Variants in DNAH11 observed in about 807,000 individuals in gnomAD.
DNAH11 encodes the protein dynein axonemal heavy chain 11.
A neutral mutation model predicts 526.0 loss-of-function variants in DNAH11; 442 were observed. The observed-to-expected ratio is 0.84, with a 90% CI of 0.78 to 0.91. DNAH11 has a LOEUF of 0.91. Ranked by LOEUF, DNAH11 falls within the 40% of genes least tolerant of loss-of-function variation. The probability of loss-of-function intolerance (pLI) is 0.00; values close to 1 mark genes in which losing one functional copy is unlikely to be tolerated. For missense variants in DNAH11, 6,989 were observed against 5,448.7 expected (o/e 1.28, Z -8.90); for synonymous variants, 2,461 against 1,935.9 (o/e 1.27, Z -7.12).
In DNAH11 at chr7:21,590,922, T is replaced by C; in HGVS notation, c.2174T>C (p.Val725Ala). Residue 725 changes from valine (V) to alanine (A), a missense_variant, in exon 13 of 82, where the codon GTG (valine) becomes GCG (alanine). Val to Ala is a moderately conservative substitution (Grantham distance 64). Transcript: ENST00000409508. ...TTAATAATTGTATTTTAATAGCTAG[T>C]GGCTGTATTGAGAGAAGTGAAATAT... The part of the protein sequence containing the change: ...LLCVNFDPKL[V>A]AVLREVKYLL... 6.9e-7 allele frequency: 1 copy of C among 1,448,254 alleles called. No homozygotes were observed. Among genetic ancestry groups the C allele is most frequent in the Non-Finnish European group, 9.1e-7 (1 of 1,101,612 alleles). 89.7% of individuals were successfully genotyped at this position (1,448,254 alleles called of 1,614,324 possible).
chr7:21,869,427 C>A (rs1448505846), intron 73 of DNAH11, among the ~76,000 whole-genome samples: 1 of 151,652 alleles, frequency 6.6e-6, no homozygotes, highest in Non-Finnish European at 1.5e-5. Context: ...GTCCTTGTCA[C>A]ACAACCAGAA....
intron 30 of DNAH11, among the ~76,000 whole-genome samples, chr7:21,663,118 C>A (rs1215109197): frequency 2.6e-5 from 4 of 152,164 alleles, no homozygotes; most frequent in Non-Finnish European, 5.9e-5. Context: ...TGATAATGAC[C>A]TCTAGTTCCC....
Position 21,639,022 on chromosome 7 carries a change from C to G in DNAH11, c.4901C>G (p.Ala1634Gly), listed in dbSNP as rs1583553658. ...CCTCGCTTCTATTTCGTCTCTTCTG[C>G]TGATTTACTTGACATTCTCTCAAAA... ...AFPRFYFVSS[A>G]DLLDILSKGA... Residue 1634 changes from alanine (A) to glycine (G), a missense_variant, in exon 28 of 82, where the codon GCT becomes GGT. By Grantham distance (60) the Ala-to-Gly change is moderately conservative. Transcript: ENST00000409508. 3.1e-6 allele frequency: 5 copies of G among 1,613,664 alleles called. No individual in the cohort carries two copies. The highest frequency in any genetic ancestry group is 4.2e-6 in the Non-Finnish European group (5 of 1,179,710).
chr7:21,774,009 G>A lies in DNAH11; in HGVS notation c.9336+10G>A, dbSNP rs1366306832. ...AACCACAGCCTCTCAGGTATGACCA[G>A]GATGTGTTATTACTGAGTAATATTT... On this transcript the variant is annotated intron_variant, in intron 56 of 81. Transcript: ENST00000409508. The A allele has an allele frequency of 1.3e-6, 2 of 1,541,912 alleles. No individual in the cohort carries two copies. Among genetic ancestry groups the A allele is most frequent in the Non-Finnish European group, 1.7e-6 (2 of 1,145,036 alleles).
At chr7:21,644,357 T>A (rs1158395600) in intron 28 of DNAH11, among the ~76,000 whole-genome samples, 1 of 152,208 alleles carries the variant, frequency 6.6e-6, no homozygotes, top group Non-Finnish European at 1.5e-5. Flanking sequence ...TGGAGCTCAA[T>A]AATCATTCAT....
chr7:21,816,655 G>C lies in DNAH11; in HGVS notation c.10521G>C (p.Lys3507Asn). ...AGCAACAGGGAATTAAGTGGATCAA[G>C]AATAAGTATGGAATGGACCTGAAAG... is the stretch of plus-strand genomic sequence containing the variant. ...DPQQQGIKWI[K>N]NKYGMDLKVT... Residue 3507 changes from lysine to asparagine, a missense_variant, in exon 64 of 82, where the codon AAG becomes AAC. By Grantham distance (94) the Lys-to-Asn change is moderately conservative. Coordinates refer to ENST00000409508, the MANE Select transcript of DNAH11 (RefSeq NM_001277115.2). 1 of 1,613,688 alleles carries C rather than the reference G, an allele frequency of 6.2e-7. No individual in the cohort carries two copies. The highest frequency in any genetic ancestry group is 8.5e-7 in the Non-Finnish European group (1 of 1,179,760).
intron 65 of DNAH11, among the ~76,000 whole-genome samples, chr7:21,833,650 G>A (rs111229214): frequency 7.2e-5 from 11 of 152,150 alleles, no homozygotes; most frequent in African/African-American, 2.2e-4. Context: ...AGCCAAGATC[G>A]TGCCACTGCT....
At chr7:21,831,703 A>G (rs896542698) in intron 65 of DNAH11, among the ~76,000 whole-genome samples, 1 of 152,194 alleles carries the variant, frequency 6.6e-6, no homozygotes, top group Admixed American at 6.5e-5. Context: ...CAGGATATAC[A>G]TAGATATGCA....
At chr7:21,885,537 C>G (rs1471558065) in intron 76 of DNAH11, among the ~76,000 whole-genome samples, 2 of 151,920 alleles carry the variant, frequency 1.3e-5, no homozygotes, top group Non-Finnish European at 2.9e-5. Flanking sequence ...GTTCTCGTGT[C>G]CTATTGCACA....
intron 74 of DNAH11, among the ~76,000 whole-genome samples, chr7:21,876,840 A>C (rs986974438): frequency 6.6e-6 from 1 of 152,268 alleles, no homozygotes; most frequent in Non-Finnish European, 1.5e-5. Flanking sequence ...CTTTCATCTC[A>C]TTGGTCAAAC....
intron 14 of DNAH11, among the ~76,000 whole-genome samples, chr7:21,597,193 C>T (rs990286865): frequency 1.3e-5 from 2 of 152,122 alleles, no homozygotes; most frequent in Non-Finnish European, 2.9e-5. Context: ...TCCCTTTATC[C>T]GAATGTGCTG....
chr7:21,731,757 T>G (rs904710873), intron 45 of DNAH11, among the ~76,000 whole-genome samples: 13 of 152,276 alleles, frequency 8.5e-5, no homozygotes, highest in Admixed American at 4.6e-4. Flanking sequence ...CAGAATTAAA[T>G]CTCATGCCGC....
intron 56 of DNAH11, among the ~76,000 whole-genome samples, chr7:21,774,397 A>G (rs562304245): frequency 6.6e-6 from 1 of 152,192 alleles, no homozygotes; most frequent in South Asian, 2.1e-4. Flanking sequence ...TTTCTGGCTA[A>G]TGACTGTGGC....
At chr7:21,793,486 C>T (rs923375548) in intron 61 of DNAH11, among the ~76,000 whole-genome samples, 11 of 152,088 alleles carry the variant, frequency 7.2e-5, no homozygotes, top group Admixed American at 4.6e-4. Context: ...CGTGGTGGCA[C>T]GCCCTTGTAG....
intron 2 of DNAH11, among the ~76,000 whole-genome samples, chr7:21,553,175 A>G (rs566581216): frequency 4.8e-5 from 7 of 146,982 alleles, no homozygotes; most frequent in African/African-American, 1.6e-4. Flanking sequence ...TTTCTAACCC[A>G]AACAAGGTGA....
At chr7:21,786,537 A>C (rs1016900765) in intron 58 of DNAH11, 87 bp from the exon 59 acceptor site, 1 of 1,481,784 alleles carries the variant, frequency 6.7e-7, no homozygotes, top group African/African-American at 1.4e-5. Context: ...GTGGGAGTCC[A>C]CTAAAGCCTT....
chr7:21,901,351 G>GTAAC lies in DNAH11; in HGVS notation c.*99_*102dup. On this transcript the variant is annotated 3_prime_UTR_variant, in exon 82 of 82. Coordinates refer to ENST00000409508, the MANE Select transcript of DNAH11 (RefSeq NM_001277115.2). Reference sequence around the variant, plus strand: ...CCATGCACATTATTCTAACTTTTTAGTAACTCACACGTGCATTCTTTTTTC... The same window carrying GTAAC: ...CCATGCACATTATTCTAACTTTTTAGTAACTAACTCACACGTGCATTCTTTTTTC... 1.4e-6 allele frequency: 2 copies of GTAAC among 1,392,948 alleles called. No homozygotes were observed. Among genetic ancestry groups the GTAAC allele is most frequent in the Admixed American group, 2.7e-5 (1 of 37,292 alleles). 86.3% of individuals were successfully genotyped at this position (1,392,948 alleles called of 1,614,324 possible).
intron 79 of DNAH11, among the ~76,000 whole-genome samples, chr7:21,897,727 T>G (rs1445740265): frequency 6.6e-6 from 1 of 152,226 alleles, no homozygotes; most frequent in Non-Finnish European, 1.5e-5. Context: ...CCGATTCTCC[T>G]GCCTTCAGCC....
chr7:21,558,933 A>G lies in DNAH11; in HGVS notation c.627A>G (p.Arg209=). The G allele has an allele frequency of 6.3e-7, 1 of 1,597,798 alleles. No homozygotes were observed. The highest frequency in any genetic ancestry group is 8.5e-7 in the Non-Finnish European group (1 of 1,171,302). The change falls in exon 3 of 82, where the codon AGA becomes AGG. Residue 209 remains arginine (R), a synonymous_variant. Coordinates refer to ENST00000409508, the MANE Select transcript of DNAH11 (RefSeq NM_001277115.2). ...MYIFRGKMSR[R]TLLPIPTVAG... ...TTTTTAGGGGCAAAATGTCTAGAAG[A>G]ACTCTTCTACCAATTCCCACTGTTG...
Sources: gnomAD v4.1 joint callset for allele counts (sites outside exome capture counted in the v4.1 genomes callset) on GRCh38, gnomAD v4.1.1 for gene constraint, MANE v1.5 for transcripts, NCBI Gene and HGNC (gene_info 2026-07-23, HGNC 2026-07-21) for gene names.